Variants in C12orf42 observed in about 807,000 individuals in gnomAD.
C12orf42 encodes uncharacterized protein C12orf42.
C12orf42 carries 25 observed loss-of-function variants against 21.6 expected under a neutral mutation model. That is an observed-to-expected ratio of 1.16 (90% confidence interval 0.84 to 1.62). The LOEUF (loss-of-function observed/expected upper bound fraction) is 1.62. C12orf42 is among the 40% of genes most tolerant of loss of function. The pLI is 0.00. For missense variants in C12orf42, 483 were observed against 459.3 expected (o/e 1.05, Z -0.47); for synonymous variants, 174 against 175.0 (o/e 0.99, Z 0.05).
the C12orf42 span, among the ~76,000 whole-genome samples, chr12:103,563,320 G>A: frequency 1.2e-4 from 18 of 152,128 alleles, no homozygotes; most frequent in African/African-American, 4.1e-4. Flanking sequence ...ATATGCTACA[G>A]CCAATTGATC....
chr12:103,286,045 G>C lies in C12orf42; in HGVS notation n.338-8835C>G, dbSNP rs577418054. 2.0e-5 allele frequency among the ~76,000 whole-genome samples: 3 copies of C among 152,110 alleles called. No individual in the cohort carries two copies. The South Asian group carries it at 6.2e-4, about 32-fold the overall frequency. Reference sequence around the variant, plus strand: ...AGGCGGATTGCAAGGTCAGGAGATCGGGACCATTCTTGCTAACACGGTGAA... The same window carrying C: ...AGGCGGATTGCAAGGTCAGGAGATCCGGACCATTCTTGCTAACACGGTGAA... On this transcript the variant is annotated intron_variant and non_coding_transcript_variant, in intron 4 of 6. Coordinates refer to the C12orf42 transcript ENST00000546526.
rs181074108 is a variant in C12orf42 at position 103,345,230 on chromosome 12, T to A, written c.259+23657A>T. Among the ~76,000 whole-genome samples the A allele has an allele frequency of 3.3e-3, 502 of 152,306 alleles. 3 individuals carry two copies. The highest frequency in any genetic ancestry group is 0.011 in the African/African-American group (476 of 41,576). On this transcript the variant is annotated intron_variant, in intron 4 of 5. Coordinates refer to ENST00000548883, the MANE Select transcript of C12orf42 (RefSeq NM_198521.5). ...CATAAAGCATCCAAGAAATATTAAC[T>A]CTATAATAACTGGGAATTATTCACC...
the C12orf42 span, among the ~76,000 whole-genome samples, chr12:103,519,535 T>G: frequency 6.6e-6 from 1 of 152,204 alleles, no homozygotes; most frequent in South Asian, 2.1e-4. Context: ...ATCCACAGAA[T>G]AGAATGGTGT....
the C12orf42 span, among the ~76,000 whole-genome samples, chr12:103,227,044 C>A: frequency 4.9e-4 from 75 of 152,238 alleles, 1 homozygote; most frequent in East Asian, 9.7e-4. Flanking sequence ...AGCGGCATTG[C>A]AGAAGAAAAT....
At chr12:103,161,811 C>T in the C12orf42 span, among the ~76,000 whole-genome samples, 1 of 152,158 alleles carries the variant, frequency 6.6e-6, no homozygotes, top group Non-Finnish European at 1.5e-5. Context: ...GTCATGTACA[C>T]AAAAATGACC....
At chr12:103,500,603 G>T (rs981432624), upstream of C12orf42, among the ~76,000 whole-genome samples, 48 of 152,178 alleles carry the variant, frequency 3.2e-4, no homozygotes, top group Non-Finnish European at 1.2e-4. Flanking sequence ...TTAGCCAAAA[G>T]TAAAAACTAT....
chr12:103,079,847 T>A, the C12orf42 span, among the ~76,000 whole-genome samples: 2 of 152,216 alleles, frequency 1.3e-5, no homozygotes, highest in African/African-American at 2.4e-5. Context: ...GAAGAATGAC[T>A]GTTACTTATA....
the C12orf42 span, among the ~76,000 whole-genome samples, chr12:103,224,934 C>G: frequency 3.9e-5 from 6 of 152,138 alleles, no homozygotes; most frequent in Admixed American, 3.3e-4. Context: ...TAATCGGACA[C>G]GATCAGCAGG....
the C12orf42 span, among the ~76,000 whole-genome samples, chr12:103,067,675 C>T: frequency 6.6e-6 from 1 of 152,136 alleles, no homozygotes; most frequent in African/African-American, 2.4e-5. Context: ...GTTCCTGTTC[C>T]CTCAGCATTT....
intron 4 of C12orf42, among the ~76,000 whole-genome samples, chr12:103,280,019 G>A (rs768548426): frequency 5.3e-5 from 8 of 152,178 alleles, no homozygotes; most frequent in Non-Finnish European, 1.0e-4. Flanking sequence ...CACTGATAGA[G>A]GCATTAGGAA....
At chr12:103,058,178 ATC>A in the C12orf42 span, among the ~76,000 whole-genome samples, 1 of 151,802 alleles carries the variant, frequency 6.6e-6, no homozygotes, top group East Asian at 1.9e-4. Flanking sequence ...AATGGTCTTG[ATC>A]TCTTGACCTC....
chr12:103,241,183 T>TAA (rs10537065), intron 10 of C12orf42, among the ~76,000 whole-genome samples: 7 of 142,974 alleles, frequency 4.9e-5, no homozygotes, highest in South Asian at 2.2e-4. Context: ...CTGTTTTGTT[T>TAA]AAAAAAAAAA....
the C12orf42 span, among the ~76,000 whole-genome samples, chr12:103,113,066 C>A: frequency 6.6e-6 from 1 of 151,920 alleles, no homozygotes; most frequent in Non-Finnish European, 1.5e-5. Context: ...ATTGTGATAG[C>A]CACATTTGAG....
chr12:103,400,397 C>A (rs1242529854), intron 3 of C12orf42, among the ~76,000 whole-genome samples: 1 of 152,212 alleles, frequency 6.6e-6, no homozygotes, highest in African/African-American at 2.4e-5. Context: ...AGAGTCTTGA[C>A]ATACTAGTTG....
chr12:103,546,231 C>T, the C12orf42 span, among the ~76,000 whole-genome samples: 1 of 152,186 alleles, frequency 6.6e-6, no homozygotes. Context: ...TCAATACTAA[C>T]TTCTTTAAGT....
intron 4 of C12orf42, among the ~76,000 whole-genome samples, chr12:103,311,197 CGT>C (rs143631316): frequency 6.6e-6 from 1 of 150,756 alleles, no homozygotes; most frequent in African/African-American, 2.4e-5. Flanking sequence ...TATGCATGTG[CGT>C]GTGTGTGTGT....
the C12orf42 span, among the ~76,000 whole-genome samples, chr12:103,214,544 C>T: frequency 2.9e-3 from 442 of 151,964 alleles, 1 homozygote; most frequent in Non-Finnish European, 4.7e-3. Context: ...ATTCAAAAGA[C>T]GGGCCAACAA....
At chr12:103,385,703 A>G (rs1417250622) in intron 3 of C12orf42, among the ~76,000 whole-genome samples, 2 of 152,218 alleles carry the variant, frequency 1.3e-5, no homozygotes, top group Non-Finnish European at 2.9e-5. Flanking sequence ...GCCCAATCAG[A>G]TTTATATCTT....
chr12:103,427,402 C>G (rs866877552), intron 2 of C12orf42, among the ~76,000 whole-genome samples: 1 of 149,206 alleles, frequency 6.7e-6, no homozygotes, highest in African/African-American at 2.5e-5. Flanking sequence ...ATCATGGTAA[C>G]GGGATCAATG....
Sources: allele counts gnomAD v4.1 joint callset (sites outside exome capture counted in the v4.1 genomes callset), GRCh38; gene constraint gnomAD v4.1.1; transcripts MANE v1.5; gene names NCBI Gene and HGNC (gene_info 2026-07-23, HGNC 2026-07-21).